The following PGM5 variants were observed in gnomAD, a reference collection of about 807,000 sequenced individuals.
PGM5 encodes the protein phosphoglucomutase-like protein 5.
Under a neutral mutation model 59.2 loss-of-function variants are expected in PGM5, and 23 were observed. The observed-to-expected ratio is 0.39, with a 90% CI of 0.28 to 0.55. The LOEUF (loss-of-function observed/expected upper bound fraction) is 0.55, where lower values mean the gene tolerates loss of function less well. Among genes scored for constraint, PGM5 ranks in the 20% least tolerant of loss-of-function variants. The pLI is 0.66. For synonymous variants in PGM5, 214 were observed against 286.0 expected (o/e 0.75, Z 2.54); for missense variants, 574 against 748.3 (o/e 0.77, Z 2.72).
chr9:68,488,359 A>T (rs1824332787), intron 9 of PGM5, among the ~76,000 whole-genome samples: 1 of 152,202 alleles, frequency 6.6e-6, no homozygotes, highest in Non-Finnish European at 1.5e-5. Flanking sequence ...CATGGAAAAA[A>T]ATCCTGTTTC....
intron 7 of PGM5, chr9:68,466,270 G>GTGTGTGT: frequency 1.8e-6 from 1 of 558,468 alleles, no homozygotes; most frequent in Non-Finnish European, 2.3e-6. Flanking sequence ...GATACTGTGT[G>GTGTGTGT]TTTTTTTTTT....
At chr9:68,523,356 A>C (rs1313754455) in intron 10 of PGM5, among the ~76,000 whole-genome samples, 1 of 152,178 alleles carries the variant, frequency 6.6e-6, no homozygotes, top group African/African-American at 2.4e-5. Flanking sequence ...CTTGGGCCCC[A>C]ACCCAGACCC....
chr9:68,411,276 A>G (rs1173426809), intron 6 of PGM5, among the ~76,000 whole-genome samples: 3 of 151,972 alleles, frequency 2.0e-5, no homozygotes, highest in South Asian at 2.1e-4. Flanking sequence ...TGTAGTCCCA[A>G]CTACCCCAGA....
intron 10 of PGM5, among the ~76,000 whole-genome samples, chr9:68,505,501 A>G (rs1824639526): frequency 6.6e-6 from 1 of 152,204 alleles, no homozygotes; most frequent in Non-Finnish European, 1.5e-5. Context: ...CCAACTACAA[A>G]TTTAGGGTTT....
chr9:68,452,752 A>T (rs1177662732), intron 6 of PGM5, among the ~76,000 whole-genome samples: 2 of 152,176 alleles, frequency 1.3e-5, no homozygotes, highest in African/African-American at 4.8e-5. Flanking sequence ...CTAGTCCCAG[A>T]GTGGATGCTA....
intron 7 of PGM5, among the ~76,000 whole-genome samples, chr9:68,474,403 GA>G (rs1824070168): frequency 6.6e-6 from 1 of 152,178 alleles, no homozygotes; most frequent in African/African-American, 2.4e-5. Flanking sequence ...TCCATGTGAA[GA>G]AAACATCTTT....
At chr9:68,412,592 G>C (rs1316078388) in intron 6 of PGM5, among the ~76,000 whole-genome samples, 3 of 152,176 alleles carry the variant, frequency 2.0e-5, no homozygotes, top group African/African-American at 7.2e-5. Flanking sequence ...GGAATTTCTA[G>C]ATCATCTCAG....
chr9:68,403,228 A>T (rs1370892071), intron 6 of PGM5, among the ~76,000 whole-genome samples: 1 of 152,136 alleles, frequency 6.6e-6, no homozygotes, highest in Non-Finnish European at 1.5e-5. Context: ...TCTAGGTTGC[A>T]TGCTCCTTGC....
At chr9:68,383,281 A>G (rs1385827337) in intron 2 of PGM5, among the ~76,000 whole-genome samples, 1 of 152,142 alleles carries the variant, frequency 6.6e-6, no homozygotes, top group African/African-American at 2.4e-5. Flanking sequence ...TTACATTTTT[A>G]GTAGCCACAT....
rs782676024 is a variant in PGM5, at chr9:68,465,128, C to G, written c.1079C>G (p.Thr360Ser). The change falls in exon 7 of 11, where the codon ACC becomes AGC. Residue 360 changes from threonine to serine, a missense_variant. By Grantham distance (58) the Thr-to-Ser change is moderately conservative. This residue lies in a region of PGM5 where 300 missense variants were observed against 280.0 expected (regional missense o/e 1.07). Coordinates refer to ENST00000396396, the MANE Select transcript of PGM5 (RefSeq NM_021965.4). ...AKSMKVPVYETPAGWRFFSNL... is the reference protein window; with the variant it reads ...AKSMKVPVYESPAGWRFFSNL... ...TCAATGAAGGTCCCTGTATATGAGACCCCAGCTGGATGGAGATTCTTCTCA... is the reference window on the plus strand; with the variant it reads ...TCAATGAAGGTCCCTGTATATGAGAGCCCAGCTGGATGGAGATTCTTCTCA... The G allele has an allele frequency of 8.1e-6, 13 of 1,612,692 alleles. 1 individual carries two copies. The African/African-American group carries it at 1.1e-4, about 13-fold the overall frequency.
At chr9:68,452,626 G>T (rs1554684457) in intron 6 of PGM5, among the ~76,000 whole-genome samples, 1 of 152,172 alleles carries the variant, frequency 6.6e-6, no homozygotes. Flanking sequence ...CACATCCTCT[G>T]GATCTGAACC....
intron 6 of PGM5, among the ~76,000 whole-genome samples, chr9:68,436,610 G>A (rs911086757): frequency 1.3e-5 from 2 of 152,156 alleles, no homozygotes; most frequent in African/African-American, 2.4e-5. Context: ...GTCTTTGAAG[G>A]CTTGGCCTCA....
chr9:68,447,480 C>A (rs569133464), intron 6 of PGM5, among the ~76,000 whole-genome samples: 2 of 152,022 alleles, frequency 1.3e-5, no homozygotes, highest in Admixed American at 1.3e-4. Context: ...AGCTCTGAGG[C>A]CTTGGACAAG....
intron 7 of PGM5, among the ~76,000 whole-genome samples, chr9:68,470,038 A>G (rs1215584264): frequency 6.6e-6 from 1 of 152,210 alleles, no homozygotes; most frequent in East Asian, 1.9e-4. Flanking sequence ...CAAAATTAGA[A>G]TTATATAAAA....
At chr9:68,516,273 AAC>A (rs1199213234) in intron 10 of PGM5, among the ~76,000 whole-genome samples, 1 of 152,200 alleles carries the variant, frequency 6.6e-6, no homozygotes, top group Non-Finnish European at 1.5e-5. Context: ...TGGCATAGTT[AAC>A]ACACCTCAAT....
chr9:68,407,163 G>C (rs1822838496), intron 6 of PGM5, among the ~76,000 whole-genome samples: 1 of 152,108 alleles, frequency 6.6e-6, no homozygotes, highest in South Asian at 2.1e-4. Context: ...GAAGGGGTCT[G>C]TCTGTTGCCT....
At chr9:68,459,169 A>G (rs1823822125) in intron 6 of PGM5, among the ~76,000 whole-genome samples, 1 of 152,214 alleles carries the variant, frequency 6.6e-6, no homozygotes, top group African/African-American at 2.4e-5. Flanking sequence ...ACTTAGTCAT[A>G]AACACTGCAG....
At chr9:68,529,431 A>T in intron 10 of PGM5, 136 bp from the exon 11 acceptor site, 1 of 665,650 alleles carries the variant, frequency 1.5e-6, no homozygotes, top group Non-Finnish European at 2.6e-6. Flanking sequence ...GGAGGAAGCA[A>T]ATGTCCTGCT....
intron 6 of PGM5, among the ~76,000 whole-genome samples, chr9:68,393,603 C>T (rs144934960): frequency 6.6e-6 from 1 of 151,974 alleles, no homozygotes; most frequent in Admixed American, 6.6e-5. Flanking sequence ...CTTTAATCAA[C>T]CAGGTGTAGT....
Sources: allele counts gnomAD v4.1 joint callset (sites outside exome capture counted in the v4.1 genomes callset), GRCh38; gene constraint gnomAD v4.1.1; regional missense constraint gnomAD v4.1.1; transcripts MANE v1.5; gene names NCBI Gene and HGNC (gene_info 2026-07-23, HGNC 2026-07-21).